The following ABCB4 variants were observed in gnomAD, a reference collection of about 807,000 sequenced individuals.
ABCB4 encodes the protein phosphatidylcholine translocator ABCB4.
ABCB4 carries 76 observed loss-of-function variants against 145.7 expected under a neutral mutation model. The observed-to-expected ratio is 0.52, with a 90% CI of 0.43 to 0.63. The LOEUF (loss-of-function observed/expected upper bound fraction) is 0.63. Ranked by LOEUF, ABCB4 falls within the 30% of genes least tolerant of loss-of-function variation. ABCB4 has a pLI of 0.00. For missense variants in ABCB4, 1,234 were observed against 1,553.1 expected (o/e 0.79, Z 3.45); for synonymous variants, 517 against 566.8 (o/e 0.91, Z 1.25).
At chr7:87,394,461 A>G in the ABCB4 span, among the ~76,000 whole-genome samples, 1 of 152,292 alleles carries the variant, frequency 6.6e-6, no homozygotes, top group Non-Finnish European at 1.5e-5. Flanking sequence ...CATTACAAGA[A>G]AGAGTTGATT....
intron 22 of ABCB4, among the ~76,000 whole-genome samples, chr7:87,413,320 G>A (rs531383474): frequency 1.3e-5 from 2 of 152,334 alleles, no homozygotes; most frequent in African/African-American, 4.8e-5. Flanking sequence ...TTTGTCTTAA[G>A]TCACCCAGAT....
At chr7:87,431,038 C>G (rs969603848) in intron 15 of ABCB4, among the ~76,000 whole-genome samples, 3 of 152,166 alleles carry the variant, frequency 2.0e-5, no homozygotes, top group Non-Finnish European at 4.4e-5. Flanking sequence ...CTGGTAAAGT[C>G]TCTGGCATTC....
chr7:87,389,899 AT>A, the ABCB4 span, among the ~76,000 whole-genome samples: 48 of 149,526 alleles, frequency 3.2e-4, no homozygotes, highest in African/African-American at 4.9e-4. Context: ...TTCACGCGGT[AT>A]TTTTTTTTTA....
At chr7:87,449,733 AC>A (rs1400270658) in intron 8 of ABCB4, among the ~76,000 whole-genome samples, 1 of 152,138 alleles carries the variant, frequency 6.6e-6, no homozygotes, top group Non-Finnish European at 1.5e-5. Context: ...GCATTTAAAA[AC>A]AAGGGAGTCC....
At position 87,447,173 on chromosome 7, in the gene ABCB4, A is replaced by G. The variant is rs1352747764; in HGVS notation, c.866T>C (p.Ile289Thr). The G allele has an allele frequency of 6.2e-6, 10 of 1,613,786 alleles. No homozygotes were observed. The highest frequency in any genetic ancestry group is 8.5e-6 in the Non-Finnish European group (10 of 1,179,924). Residue 289 changes from isoleucine to threonine, a missense_variant, in exon 9 of 28, where the codon ATT (isoleucine) becomes ACT (threonine). Physicochemically the swap from Ile to Thr is moderately conservative, Grantham distance 89 (BLOSUM62 -1). Around this residue, in one of 7 missense-constraint regions of ABCB4, gnomAD observed 467 missense variants for 632.8 expected, o/e 0.74. Transcript: ENST00000649586. The part of the protein sequence containing the change: ...YQKHLENAKE[I>T]GIKKAISANI... ...TGCTGAAATAGCTTTTTTAATTCCA[A>G]TCTCTTTGGCATTTTCTAAATGTTT... is the stretch of plus-strand genomic sequence containing the variant.
chr7:87,369,922 T>A, the ABCB4 span, among the ~76,000 whole-genome samples: 1 of 151,084 alleles, frequency 6.6e-6, no homozygotes, highest in African/African-American at 2.4e-5. Flanking sequence ...TCAAAATGTA[T>A]AGGGGATTAT....
the ABCB4 span, among the ~76,000 whole-genome samples, chr7:87,372,740 CATA>C: frequency 6.6e-6 from 1 of 152,102 alleles, no homozygotes; most frequent in Non-Finnish European, 1.5e-5. Flanking sequence ...TTTCACTTAG[CATA>C]ATGTTTTCAA....
intron 14 of ABCB4, among the ~76,000 whole-genome samples, chr7:87,433,155 T>A (rs1810359165): frequency 6.6e-6 from 1 of 152,176 alleles, no homozygotes; most frequent in Admixed American, 6.5e-5. Context: ...ATTGGGACAA[T>A]TGTGCAGCCA....
chr7:87,410,859 G>A (rs1808570825), intron 23 of ABCB4, among the ~76,000 whole-genome samples: 1 of 152,186 alleles, frequency 6.6e-6, no homozygotes. Flanking sequence ...CTTCTTTCTT[G>A]TCAGATTGCT....
At chr7:87,456,988 G>C (rs1812142046) in intron 4 of ABCB4, among the ~76,000 whole-genome samples, 1 of 151,994 alleles carries the variant, frequency 6.6e-6, no homozygotes. Flanking sequence ...TATCTACATG[G>C]TCATTTGGCT....
Position 87,446,371 on chromosome 7 carries a change from A to G in ABCB4, c.1005+663T>C, listed in dbSNP as rs540608033. ...TGGTAGTTCATAAATGTGGTTACAA[A>G]AAGATATACATAGTATGATCCCAGT... is the stretch of plus-strand genomic sequence containing the variant. On this transcript the variant is annotated intron_variant, in intron 9 of 27. Transcript: ENST00000649586. Among the ~76,000 whole-genome samples the G allele has an allele frequency of 5.9e-5, 9 of 152,348 alleles. No homozygotes were observed. The East Asian group carries it at 1.7e-3, about 29-fold the overall frequency.
chr7:87,426,899 AC>A lies in ABCB4; in HGVS notation c.1914del (p.Gln638HisfsTer7). 6.2e-7 allele frequency: 1 copy of A among 1,611,942 alleles called. No individual in the cohort carries two copies. The highest frequency in any genetic ancestry group is 8.5e-7 in the Non-Finnish European group (1 of 1,179,376). On this transcript the variant is annotated frameshift_variant, in exon 16 of 28. Coordinates refer to ENST00000649586, the MANE Select transcript of ABCB4 (RefSeq NM_000443.4). LOFTEE classifies it high-confidence loss of function. Reference protein sequence around the residue: ...VNMQTSGSQIQSEEFELNDEK... With the variant: ...VNMQTSGSQIXSEEFELNDEK... ...TCATCATTTAGTTCAAATTCTTCTG[AC>A]TGGATCTGGCTTCCTGATGTCTGAA... is the stretch of plus-strand genomic sequence containing the variant.
At chr7:87,369,051 C>G in the ABCB4 span, among the ~76,000 whole-genome samples, 2 of 152,146 alleles carry the variant, frequency 1.3e-5, no homozygotes, top group Non-Finnish European at 2.9e-5. Flanking sequence ...CTCCAAGATT[C>G]CACTGGTCTC....
the ABCB4 span, among the ~76,000 whole-genome samples, chr7:87,366,554 T>C: frequency 1.3e-5 from 2 of 152,180 alleles, no homozygotes; most frequent in Non-Finnish European, 2.9e-5. Context: ...AGTTTATAGC[T>C]CTAGGAAACT....
rs200404041 is a variant in ABCB4 at position 87,402,294 on chromosome 7, T to C, written c.3642A>G (p.Gln1214=). The change falls in exon 28 of 28, where the codon CAA becomes CAG. Residue 1214 remains glutamine (Q), a synonymous_variant. Transcript: ENST00000649586. ...ALDTESEKVV[Q]EALDKAREGR... The stretch of plus-strand genomic sequence containing the variant: ...CTTCTCTGGCTTTGTCCAGGGCTTC[T>C]TGGACAACCTATTGATAAATCAGAC... 13 of 1,614,012 alleles carry C rather than the reference T, an allele frequency of 8.1e-6. No homozygotes were observed. The highest frequency in any genetic ancestry group is 4.0e-5 in the African/African-American group (3 of 75,058).
chr7:87,454,491 C>T (rs1381426602), intron 5 of ABCB4, 44 bp downstream of exon 5: 1 of 1,404,314 alleles, frequency 7.1e-7, no homozygotes, highest in Admixed American at 1.8e-5. Context: ...TGGAAATTAT[C>T]TTCAAATGAA....
the ABCB4 span, among the ~76,000 whole-genome samples, chr7:87,372,647 GC>G: frequency 6.6e-6 from 1 of 151,970 alleles, no homozygotes; most frequent in Non-Finnish European, 1.5e-5. Flanking sequence ...TCTACTTTCT[GC>G]CTCTATAAAT....
downstream of ABCB4, chr7:87,398,592 C>G (rs1156886010): frequency 6.2e-7 from 1 of 1,613,584 alleles, no homozygotes; most frequent in African/African-American, 1.3e-5. Context: ...GTTCAGCTGA[C>G]TTTTTGTGCT....
intron 15 of ABCB4, among the ~76,000 whole-genome samples, chr7:87,427,564 T>G (rs1809926218): frequency 6.6e-6 from 1 of 152,056 alleles, no homozygotes; most frequent in Non-Finnish European, 1.5e-5. Flanking sequence ...CCTGCTGGAG[T>G]TGGACTTTGG....
Sources: allele counts gnomAD v4.1 joint callset (sites outside exome capture counted in the v4.1 genomes callset), GRCh38; gene constraint gnomAD v4.1.1; regional missense constraint gnomAD v4.1.1; transcripts MANE v1.5; gene names NCBI Gene and HGNC (gene_info 2026-07-23, HGNC 2026-07-21).